ZNF429: variants seen among roughly 807,000 people sequenced by gnomAD.
The protein encoded by ZNF429 is zinc finger protein 429.
Under a neutral mutation model 56.8 loss-of-function variants are expected in ZNF429, and 53 were observed. That is an observed-to-expected ratio of 0.93 (90% CI 0.75 to 1.17). The LOEUF is 1.17. ZNF429 is among the 50% of genes most tolerant of loss of function. ZNF429 has a pLI of 0.00. For missense variants in ZNF429, 849 were observed against 788.4 expected, an observed-to-expected ratio of 1.08 and a Z score of -0.92; for synonymous variants, 278 against 264.7, an observed-to-expected ratio of 1.05 and a Z score of -0.49.
At chr19:21,519,663 C>G (rs1005090001) in intron 1 of ZNF429, among the ~76,000 whole-genome samples, 1 of 152,112 alleles carries the variant, frequency 6.6e-6, no homozygotes, top group Non-Finnish European at 1.5e-5. Context: ...TGTCCTTGGC[C>G]CAGTCTCTGG....
intron 1 of ZNF429, among the ~76,000 whole-genome samples, chr19:21,523,893 A>G (rs1487401979): frequency 6.6e-6 from 1 of 152,234 alleles, no homozygotes; most frequent in Non-Finnish European, 1.5e-5. Context: ...ATACCCAAGG[A>G]TGCAGAGCCA....
At chr19:21,531,795 G>C in intron 3 of ZNF429, among the ~76,000 whole-genome samples, 1 of 148,450 alleles carries the variant, frequency 6.7e-6, no homozygotes. Flanking sequence ...GATGGAGTGA[G>C]ACTCTGTCTC....
At chr19:21,516,191 C>T (rs1428113211) in intron 1 of ZNF429, among the ~76,000 whole-genome samples, 1 of 152,084 alleles carries the variant, frequency 6.6e-6, no homozygotes, top group Non-Finnish European at 1.5e-5. Flanking sequence ...GCCTCAGCCC[C>T]CCAAGTAGCT....
chr19:21,510,610 C>G (rs1239551043), intron 1 of ZNF429, among the ~76,000 whole-genome samples: 1 of 151,176 alleles, frequency 6.6e-6, no homozygotes, highest in Non-Finnish European at 1.5e-5. Context: ...ATTGATCATT[C>G]TTGGGTGTTT....
At chr19:21,535,472 CTTTCTTTCTTTCTTTCT>C in intron 3 of ZNF429, among the ~76,000 whole-genome samples, 2 of 45,776 alleles carry the variant, frequency 4.4e-5, no homozygotes, top group Non-Finnish European at 8.4e-5. Flanking sequence ...TTCTTTCTTT[CTTTCTTTCTTTCTTTCT>C]TTCTTTCTTC....
chr19:21,507,674 A>T (rs926246731), intron 1 of ZNF429: 1 of 152,534 alleles, frequency 6.6e-6, no homozygotes, highest in Non-Finnish European at 1.5e-5. Flanking sequence ...CTATGTCTGC[A>T]AGACTGTCTA....
Position 21,509,433 on chromosome 19 carries a change from G to C in ZNF429, c.3+3659G>C, listed in dbSNP as rs144685969. Among the ~76,000 whole-genome samples the C allele has an allele frequency of 7.0e-4, 107 of 152,300 alleles. 1 individual carries two copies. The highest frequency in any genetic ancestry group is 2.5e-3 in the African/African-American group (103 of 41,562). Reference sequence around the variant, plus strand: ...TTTTATATGAACATTGAGTAATTTTGCTGGATTTTTCGAACACTTAGTTTC... The same window carrying C: ...TTTTATATGAACATTGAGTAATTTTCCTGGATTTTTCGAACACTTAGTTTC... On this transcript the variant is annotated intron_variant, in intron 1 of 3. Coordinates refer to ENST00000358491, the MANE Select transcript of ZNF429 (RefSeq NM_001001415.4).
At chr19:21,513,054 G>A (rs943796542) in intron 1 of ZNF429, among the ~76,000 whole-genome samples, 1 of 151,838 alleles carries the variant, frequency 6.6e-6, no homozygotes, top group Non-Finnish European at 1.5e-5. Flanking sequence ...CTATTTTTCA[G>A]TAGAGACAGG....
At chr19:21,529,863 A>G in intron 2 of ZNF429, 79 bp downstream of exon 2, 1 of 1,068,008 alleles carries the variant, frequency 9.4e-7, no homozygotes, top group South Asian at 1.8e-5. Flanking sequence ...TTCTTTGGTA[A>G]TTTATGCTTT....
At chr19:21,530,426 A>C in intron 2 of ZNF429, among the ~76,000 whole-genome samples, 163 bp from the exon 3 acceptor site, 1 of 152,164 alleles carries the variant, frequency 6.6e-6, no homozygotes, top group African/African-American at 2.4e-5. Flanking sequence ...AGAACCTAAA[A>C]ATTTTAAATA....
chr19:21,518,348 A>G (rs1460465612), intron 1 of ZNF429, among the ~76,000 whole-genome samples: 1 of 152,152 alleles, frequency 6.6e-6, no homozygotes, highest in Non-Finnish European at 1.5e-5. Flanking sequence ...GTGAGCATTT[A>G]GTGCTGTAAA....
intron 3 of ZNF429, among the ~76,000 whole-genome samples, chr19:21,535,068 C>A: frequency 7.7e-6 from 1 of 129,848 alleles, no homozygotes; most frequent in South Asian, 2.4e-4. Context: ...ACCTTGTGAT[C>A]CGCCCGCCTC....
intron 1 of ZNF429, among the ~76,000 whole-genome samples, chr19:21,526,391 G>A (rs970171175): frequency 1.1e-4 from 16 of 152,130 alleles, no homozygotes; most frequent in East Asian, 1.9e-4. Context: ...TTGTGTTTTC[G>A]TAGTTTAGCT....
intron 1 of ZNF429, among the ~76,000 whole-genome samples, chr19:21,511,735 G>A (rs2032486567): frequency 6.6e-6 from 1 of 152,000 alleles, no homozygotes; most frequent in South Asian, 2.1e-4. Flanking sequence ...CGGCTGGAAG[G>A]TGGAGGTTGT....
rs774131756 is a variant in ZNF429, at chr19:21,536,294, T to C, written c.241T>C (p.Phe81Leu). ...TTTTATTTTAGTTGTGTGTTCTCATTTTGCTGAAGACTTTTGGCCAGAGCA... is the reference window on the plus strand; with the variant it reads ...TTTTATTTTAGTTGTGTGTTCTCATCTTGCTGAAGACTTTTGGCCAGAGCA... Reference protein sequence around the residue: ...VDEPPVVCSHFAEDFWPEQDI... With the variant: ...VDEPPVVCSHLAEDFWPEQDI... Residue 81 changes from phenylalanine (F) to leucine (L), a missense_variant, in exon 4 of 4, where the codon TTT becomes CTT. By Grantham distance (22) the Phe-to-Leu change is conservative. Coordinates refer to ENST00000358491, the MANE Select transcript of ZNF429 (RefSeq NM_001001415.4). The C allele has an allele frequency of 7.6e-6, 12 of 1,574,762 alleles. No individual in the cohort carries two copies. In the South Asian group the frequency reaches 1.2e-4, roughly 15 times the overall value.
chr19:21,512,662 C>CAA (rs35584125), intron 1 of ZNF429, among the ~76,000 whole-genome samples: 1,779 of 81,184 alleles, frequency 0.022, 73 homozygotes, highest in African/African-American at 0.075. Flanking sequence ...GACTCCATCT[C>CAA]AAAAAAAAAA....
intron 1 of ZNF429, among the ~76,000 whole-genome samples, chr19:21,528,445 C>G (rs2033247428): frequency 1.3e-5 from 2 of 152,114 alleles, no homozygotes; most frequent in Admixed American, 1.3e-4. Context: ...TGGCTCACAC[C>G]TGTAATCTTA....
intron 3 of ZNF429, among the ~76,000 whole-genome samples, chr19:21,531,040 A>G: frequency 7.2e-6 from 1 of 138,530 alleles, no homozygotes; most frequent in Non-Finnish European, 1.5e-5. Flanking sequence ...TGGGAGGCGG[A>G]GGTTGCAGTG....
At chr19:21,531,278 C>T in intron 3 of ZNF429, among the ~76,000 whole-genome samples, 7 of 151,972 alleles carry the variant, frequency 4.6e-5, no homozygotes, top group African/African-American at 1.2e-4. Flanking sequence ...GTACAGACCC[C>T]GCAGCCTTGT....
Sources: gnomAD v4.1 joint callset for allele counts (sites outside exome capture counted in the v4.1 genomes callset) on GRCh38, gnomAD v4.1.1 for gene constraint, MANE v1.5 for transcripts, NCBI Gene and HGNC (gene_info 2026-07-23, HGNC 2026-07-21) for gene names.